Variants in KLHL26 observed in about 807,000 individuals in gnomAD.
KLHL26 encodes kelch like family member 26.
A neutral mutation model predicts 7.1 loss-of-function variants in KLHL26; 4 were observed. That is an observed-to-expected ratio of 0.56 (90% confidence interval 0.28 to 1.28). KLHL26 has a LOEUF of 1.28. KLHL26 is among the 50% of genes most tolerant of loss of function. The pLI is 0.11. For missense variants in KLHL26, 896 were observed against 924.6 expected (o/e 0.97, Z 0.40); for synonymous variants, 465 against 414.1 (o/e 1.12, Z -1.49).
rs140991108 is a variant in KLHL26 at position 18,667,676 on chromosome 19, C to T, written c.279C>T (p.Thr93=). ...ACSDYFRAMF[T]GGMREASQDV... Reference sequence around the variant, plus strand: ...TTCTGCCCTTCAGGGCCATGTTCACCGGCGGCATGCGGGAGGCAAGCCAGG... The same window carrying T: ...TTCTGCCCTTCAGGGCCATGTTCACTGGCGGCATGCGGGAGGCAAGCCAGG... Residue 93 remains threonine (T), a synonymous_variant, in exon 3 of 3, where the codon ACC becomes ACT. Coordinates refer to ENST00000300976, the MANE Select transcript of KLHL26 (RefSeq NM_018316.3). 50 of 1,610,850 alleles carry T rather than the reference C, an allele frequency of 3.1e-5. 1 individual carries two copies. Among genetic ancestry groups the T allele is most frequent in the Admixed American group, 6.7e-5 (4 of 59,914 alleles).
At position 18,668,457 on chromosome 19, in the gene KLHL26, A is replaced by G; in HGVS notation, c.1060A>G (p.Thr354Ala). The G allele has an allele frequency of 6.2e-7, 1 of 1,611,202 alleles. No individual in the cohort carries two copies. The highest frequency in any genetic ancestry group is 1.1e-5 in the South Asian group (1 of 91,070). Residue 354 changes from threonine (T) to alanine (A), a missense_variant, in exon 3 of 3, where the codon ACG becomes GCG. By Grantham distance (58) the Thr-to-Ala change is moderately conservative (BLOSUM62 0). Transcript: ENST00000300976. Reference protein sequence around the residue: ...LTEMEVGCSHTCVAVLDNFVY... With the variant: ...LTEMEVGCSHACVAVLDNFVY... ...GGAGATGGAGGTAGGCTGCAGCCAC[A>G]CGTGCGTGGCCGTGCTGGACAATTT...
At chr19:18,643,582 G>A (rs537057729) in intron 1 of KLHL26, among the ~76,000 whole-genome samples, 60 of 151,796 alleles carry the variant, frequency 4.0e-4, no homozygotes, top group African/African-American at 1.4e-3. Context: ...GGGTTCAAGC[G>A]ATTCTCCTGC....
rs182703342 is a variant in KLHL26, at chr19:18,656,788, C to T, written c.84-7473C>T. On this transcript the variant is annotated intron_variant, in intron 1 of 2. Coordinates refer to ENST00000300976, the MANE Select transcript of KLHL26 (RefSeq NM_018316.3). The surrounding 1 kb of genome is among the most constrained non-coding windows in gnomAD (Gnocchi z 4.4). Reference sequence around the variant, plus strand: ...CTGACCCTGCCTGGCCTGCCCAGCACGCCTGCCCTCCCAGCACAGGGCGGG... The same window carrying T: ...CTGACCCTGCCTGGCCTGCCCAGCATGCCTGCCCTCCCAGCACAGGGCGGG... 3.5e-4 allele frequency among the ~76,000 whole-genome samples: 53 copies of T among 151,620 alleles called. 1 individual carries two copies. The highest frequency in any genetic ancestry group is 9.9e-4 in the African/African-American group (41 of 41,292).
At chr19:18,664,158 G>T in intron 1 of KLHL26, 103 bp from the exon 2 acceptor site, 1 of 1,081,200 alleles carries the variant, frequency 9.2e-7, no homozygotes, top group East Asian at 2.6e-5. Flanking sequence ...GTCATACACA[G>T]TGCGGCCTTT....
At chr19:18,647,041 A>G (rs958927769) in intron 1 of KLHL26, among the ~76,000 whole-genome samples, 1 of 152,210 alleles carries the variant, frequency 6.6e-6, no homozygotes, top group African/African-American at 2.4e-5. Context: ...GCACTGGCCC[A>G]CAGGCCGAGC....
At chr19:18,657,790 C>T (rs1365311905) in intron 1 of KLHL26, among the ~76,000 whole-genome samples, 3 of 152,168 alleles carry the variant, frequency 2.0e-5, no homozygotes, top group African/African-American at 7.2e-5. Flanking sequence ...AGGGATAACC[C>T]CAGGAAGTAG....
rs147937074 is a variant in KLHL26, at chr19:18,648,539, C to T, written c.83+11402C>T. ...GGTCAGGGTTGTCCTTGGTCCCGCG[C>T]GGCTGCACTGCCTGCAACAAGCAGC... On this transcript the variant is annotated intron_variant, in intron 1 of 2. Transcript: ENST00000300976. The surrounding 1 kb of genome is among the most constrained non-coding windows in gnomAD (Gnocchi z 4.9). Among the ~76,000 whole-genome samples, 7 of 152,296 alleles carry T rather than the reference C, an allele frequency of 4.6e-5. No homozygotes were observed. In the East Asian group the frequency reaches 1.4e-3, roughly 29 times the overall value.
chr19:18,639,412 T>G (rs1233554330), intron 1 of KLHL26, among the ~76,000 whole-genome samples: 15 of 138,026 alleles, frequency 1.1e-4, no homozygotes, highest in Non-Finnish European at 2.2e-4. Context: ...AGTTTTTTTT[T>G]TTTTTTTTTT....
In KLHL26 at chr19:18,656,195, G is replaced by T. The variant is rs567691961; in HGVS notation, c.84-8066G>T. ...GGGGTTGGTGGGGGACCTGCAGGATGGGGGTGGACGGGCCTCAGCTTTCTG... is the reference window on the plus strand; with the variant it reads ...GGGGTTGGTGGGGGACCTGCAGGATTGGGGTGGACGGGCCTCAGCTTTCTG... On this transcript the variant is annotated intron_variant, in intron 1 of 2. Transcript: ENST00000300976. This position sits in a 1 kb window ranked among gnomAD's most constrained non-coding sequence, Gnocchi z 4.4. Among the ~76,000 whole-genome samples the T allele has an allele frequency of 2.8e-4, 42 of 152,314 alleles. No individual in the cohort carries two copies. Among genetic ancestry groups the T allele is most frequent in the African/African-American group, 9.6e-4 (40 of 41,570 alleles).
At chr19:18,661,595 T>C (rs1329649911) in intron 1 of KLHL26, among the ~76,000 whole-genome samples, 1 of 152,150 alleles carries the variant, frequency 6.6e-6, no homozygotes, top group African/African-American at 2.4e-5. Context: ...CACCCATCTA[T>C]AGGGCAGCCC....
At position 18,648,331 on chromosome 19, in the gene KLHL26, C is replaced by T. The variant is rs750244066; in HGVS notation, c.83+11194C>T. 6.6e-6 allele frequency among the ~76,000 whole-genome samples: 1 copy of T among 152,096 alleles called. No homozygotes were observed. The highest frequency in any genetic ancestry group is 1.5e-5 in the Non-Finnish European group (1 of 67,998). ...TTGCACCACTGCACTCCAGCCTGGG[C>T]GACAAAGTGAGACTCTGTCTCAAAA... is the stretch of plus-strand genomic sequence containing the variant. On this transcript the variant is annotated intron_variant, in intron 1 of 2. Coordinates refer to ENST00000300976, the MANE Select transcript of KLHL26 (RefSeq NM_018316.3). The surrounding 1 kb of genome is among the most constrained non-coding windows in gnomAD (Gnocchi z 4.9).
Position 18,667,814 on chromosome 19 carries a change from G to A in KLHL26, c.417G>A (p.Ala139=), listed in dbSNP as rs369562066. Reference sequence around the variant, plus strand: ...ACTGCGTGCAGGACGTGCTGGGCGCGGCCGTGTTCTTGCAGATGCTGCCCG... The same window carrying A: ...ACTGCGTGCAGGACGTGCTGGGCGCAGCCGTGTTCTTGCAGATGCTGCCCG... ...DLDCVQDVLG[A]AVFLQMLPVV... Residue 139 remains alanine, a synonymous_variant, in exon 3 of 3, where the codon GCG becomes GCA. Transcript: ENST00000300976. The A allele has an allele frequency of 2.0e-5, 33 of 1,613,306 alleles. 1 individual carries two copies. In the South Asian group the frequency reaches 3.1e-4, roughly 15 times the overall value.
At chr19:18,642,454 G>A (rs1414412675) in intron 1 of KLHL26, among the ~76,000 whole-genome samples, 3 of 151,232 alleles carry the variant, frequency 2.0e-5, no homozygotes, top group Non-Finnish European at 2.9e-5. Flanking sequence ...TCCACCTCCC[G>A]GGCTCAAGCA....
At position 18,667,848 on chromosome 19, in the gene KLHL26, C is replaced by G; in HGVS notation, c.451C>G (p.Leu151Val). 6.2e-7 allele frequency: 1 copy of G among 1,613,156 alleles called. No individual in the cohort carries two copies. Among genetic ancestry groups the G allele is most frequent in the Non-Finnish European group, 8.5e-7 (1 of 1,179,976 alleles). Reference sequence around the variant, plus strand: ...CTTGCAGATGCTGCCCGTGGTGGAGCTGTGCGAGGAGTTCCTGAAGGCGGC... The same window carrying G: ...CTTGCAGATGCTGCCCGTGGTGGAGGTGTGCGAGGAGTTCCTGAAGGCGGC... ...VFLQMLPVVELCEEFLKAAMS... is the reference protein window; with the variant it reads ...VFLQMLPVVEVCEEFLKAAMS... The change falls in exon 3 of 3, where the codon CTG becomes GTG. Residue 151 changes from leucine to valine, a missense_variant. Leu to Val is a conservative substitution (Grantham distance 32, BLOSUM62 1). Transcript: ENST00000300976.
In KLHL26 at chr19:18,666,674, C is replaced by T. The variant is rs150887815; in HGVS notation, c.267-990C>T. ...AGCTGTTGGGTGGGAGGTGCTTCCC[C>T]GACCACCTGAGCCTGTCTCTGGAGA... On this transcript the variant is annotated intron_variant, in intron 2 of 2. Coordinates refer to ENST00000300976, the MANE Select transcript of KLHL26 (RefSeq NM_018316.3). 8.1e-4 allele frequency among the ~76,000 whole-genome samples: 123 copies of T among 152,172 alleles called. 1 individual carries two copies. Among genetic ancestry groups the T allele is most frequent in the Middle Eastern group, 3.4e-3 (1 of 294 alleles).
chr19:18,644,326 C>T (rs1188242342), intron 1 of KLHL26, among the ~76,000 whole-genome samples: 1 of 152,164 alleles, frequency 6.6e-6, no homozygotes, highest in South Asian at 2.1e-4. Context: ...AGATTGGTTC[C>T]ACCTTTTGGC....
At chr19:18,644,841 G>A (rs952985872) in intron 1 of KLHL26, among the ~76,000 whole-genome samples, 7 of 152,026 alleles carry the variant, frequency 4.6e-5, no homozygotes, top group Non-Finnish European at 7.4e-5. Context: ...GGCCAGGGGC[G>A]GGGGCAGTTC....
chr19:18,650,804 G>A lies in KLHL26; in HGVS notation c.84-13457G>A, dbSNP rs530722014. Among the ~76,000 whole-genome samples the A allele has an allele frequency of 1.4e-4, 22 of 152,312 alleles. No homozygotes were observed. The highest frequency in any genetic ancestry group is 4.1e-4 in the African/African-American group (17 of 41,564). ...GAGTCGTGGCGGACGGAGTGGAGCC[G>A]TCTGTCTCGTCACAGACAGGCGGGG... On this transcript the variant is annotated intron_variant, in intron 1 of 2. Coordinates refer to ENST00000300976, the MANE Select transcript of KLHL26 (RefSeq NM_018316.3). The surrounding 1 kb of genome is among the most constrained non-coding windows in gnomAD (Gnocchi z 4.2).
chr19:18,647,359 C>G (rs73923135), intron 1 of KLHL26, among the ~76,000 whole-genome samples: 4 of 152,088 alleles, frequency 2.6e-5, no homozygotes, highest in African/African-American at 4.8e-5. Context: ...CCACCTCCCC[C>G]ACGGCGATTA....
Sources: gnomAD v4.1 joint callset for allele counts (sites outside exome capture counted in the v4.1 genomes callset) on GRCh38, gnomAD v4.1.1 for gene constraint, Gnocchi (gnomAD v3.1) non-coding constraint, MANE v1.5 for transcripts, NCBI Gene and HGNC (gene_info 2026-07-23, HGNC 2026-07-21) for gene names.